EIF2B3: variants seen among roughly 807,000 people sequenced by gnomAD.
The protein encoded by EIF2B3 is eukaryotic translation initiation factor 2B subunit gamma.
In EIF2B3, 20 loss-of-function variants were observed where a neutral mutation model predicts 54.1. That is an observed-to-expected ratio of 0.37 (90% CI 0.26 to 0.54). EIF2B3 has a LOEUF of 0.54. Ranked by LOEUF, EIF2B3 falls within the 20% of genes least tolerant of loss-of-function variation. EIF2B3 has a pLI of 0.86. For missense variants in EIF2B3, 448 were observed against 547.8 expected, an observed-to-expected ratio of 0.82 and a Z score of 1.82; for synonymous variants, 153 against 188.1, an observed-to-expected ratio of 0.81 and a Z score of 1.52.
Position 44,930,343 on chromosome 1 carries a change from C to T in EIF2B3, c.455-3604G>A, listed in dbSNP as rs574656332. Reference sequence around the variant, plus strand: ...TCATTAGCAAGTCAAAATAGTATGTCGAGTAGATTAAAAAGGGTCACAAAC... The same window carrying T: ...TCATTAGCAAGTCAAAATAGTATGTTGAGTAGATTAAAAAGGGTCACAAAC... On this transcript the variant is annotated intron_variant, in intron 4 of 11. Transcript: ENST00000360403. Among the ~76,000 whole-genome samples, 271 of 152,290 alleles carry T rather than the reference C, an allele frequency of 1.8e-3. 1 individual carries two copies. The highest frequency in any genetic ancestry group is 4.4e-4 in the Non-Finnish European group (30 of 68,030).
chr1:44,955,700 C>T (rs951205898), intron 3 of EIF2B3, among the ~76,000 whole-genome samples: 2 of 151,814 alleles, frequency 1.3e-5, no homozygotes, highest in African/African-American at 2.4e-5. Context: ...AGTGGGCAAA[C>T]GATATGAACA....
intron 10 of EIF2B3, among the ~76,000 whole-genome samples, chr1:44,865,216 T>TTAAAAAAAA (rs1452928949): frequency 7.1e-6 from 1 of 140,104 alleles, no homozygotes; most frequent in Non-Finnish European, 1.6e-5. Flanking sequence ...GACTCCATCT[T>TTAAAAAAAA]AAAAAAAAAA....
rs61789956 is a variant in EIF2B3 at position 44,895,513 on chromosome 1, T to C, written c.656+1842A>G. Among the ~76,000 whole-genome samples, 575 of 147,262 alleles carry C rather than the reference T, an allele frequency of 3.9e-3. 1 individual carries two copies. Among genetic ancestry groups the C allele is most frequent in the Admixed American group, 5.5e-3 (81 of 14,826 alleles). On this transcript the variant is annotated intron_variant, in intron 6 of 11. Transcript: ENST00000360403. Reference sequence around the variant, plus strand: ...TTAAGGTATTTATTTAAAAAAAGCCTCTCTCTCTCTCTCTCTATATATATA... The same window carrying C: ...TTAAGGTATTTATTTAAAAAAAGCCCCTCTCTCTCTCTCTCTATATATATA...
intron 3 of EIF2B3, among the ~76,000 whole-genome samples, chr1:44,968,850 T>C (rs1290365663): frequency 2.0e-5 from 3 of 150,734 alleles, no homozygotes; most frequent in African/African-American, 4.9e-5. Flanking sequence ...TGAGTTGAGA[T>C]TGCGCCATGC....
At chr1:44,966,923 G>A (rs1399059013) in intron 3 of EIF2B3, among the ~76,000 whole-genome samples, 1 of 151,918 alleles carries the variant, frequency 6.6e-6, no homozygotes, top group African/African-American at 2.4e-5. Context: ...CCAGGTTCAG[G>A]CAATTCTCCT....
At chr1:44,892,456 TGTA>T (rs1362479171) in intron 6 of EIF2B3, among the ~76,000 whole-genome samples, 1 of 151,930 alleles carries the variant, frequency 6.6e-6, no homozygotes, top group East Asian at 1.9e-4. Context: ...GGTGAGTGCC[TGTA>T]GTCCCAGTTA....
chr1:44,891,108 A>G (rs548871282), intron 6 of EIF2B3, among the ~76,000 whole-genome samples: 1 of 152,030 alleles, frequency 6.6e-6, no homozygotes, highest in African/African-American at 2.4e-5. Context: ...AAATTTTTAA[A>G]TTTTTTTAAA....
chr1:44,958,144 G>C (rs1644247524), intron 3 of EIF2B3, among the ~76,000 whole-genome samples: 2 of 152,250 alleles, frequency 1.3e-5, no homozygotes, highest in African/African-American at 4.8e-5. Flanking sequence ...ACTGAGAAGG[G>C]AAGGCCTGGG....
At chr1:44,972,813 T>C (rs914111343) in intron 3 of EIF2B3, among the ~76,000 whole-genome samples, 8 of 152,078 alleles carry the variant, frequency 5.3e-5, no homozygotes, top group Admixed American at 6.6e-5. Flanking sequence ...ACTACAGGTG[T>C]GTGTCACCAT....
At position 44,857,599 on chromosome 1, in the gene EIF2B3, C is replaced by T. The variant is rs561215871; in HGVS notation, c.1306+105G>A. ...GGCTTTATCAATTTATGTTCTCGCCCGCAGTGTACGTATGTGCTTGTTTCC... is the reference window on the plus strand; with the variant it reads ...GGCTTTATCAATTTATGTTCTCGCCTGCAGTGTACGTATGTGCTTGTTTCC... On this transcript the variant is annotated intron_variant, in intron 11 of 11. Transcript: ENST00000360403. 58 of 1,037,816 alleles carry T rather than the reference C, an allele frequency of 5.6e-5. No homozygotes were observed. The African/African-American group carries it at 6.3e-4, about 11-fold the overall frequency. 64.3% of individuals were successfully genotyped at this position (1,037,816 alleles called of 1,614,324 possible).
At chr1:44,956,915 T>C (rs962445699) in intron 3 of EIF2B3, among the ~76,000 whole-genome samples, 7 of 152,218 alleles carry the variant, frequency 4.6e-5, no homozygotes, top group African/African-American at 1.4e-4. Flanking sequence ...AGAAACTTTC[T>C]AATTGTTATT....
rs912216569 is a variant in EIF2B3, at chr1:44,894,764, G to A, written c.656+2591C>T. 2.6e-5 allele frequency among the ~76,000 whole-genome samples: 4 copies of A among 152,082 alleles called. No individual in the cohort carries two copies. The East Asian group carries it at 7.7e-4, about 29-fold the overall frequency. ...ATCTGATGACCAGATGATTATAAGT[G>A]CCTCCTACTTATCTTGAAGAAATCT... On this transcript the variant is annotated intron_variant, in intron 6 of 11. Coordinates refer to ENST00000360403, the MANE Select transcript of EIF2B3 (RefSeq NM_020365.5).
intron 3 of EIF2B3, among the ~76,000 whole-genome samples, chr1:44,957,858 C>T (rs1644243749): frequency 6.6e-6 from 1 of 152,182 alleles, no homozygotes; most frequent in African/African-American, 2.4e-5. Flanking sequence ...TAAACACTGT[C>T]ATATATTGTT....
intron 3 of EIF2B3, chr1:44,969,902 C>G (rs1227657586): frequency 6.6e-6 from 1 of 152,056 alleles, no homozygotes; most frequent in Non-Finnish European, 1.5e-5. Context: ...AAATATGAAA[C>G]ATTATTATGG....
intron 10 of EIF2B3, among the ~76,000 whole-genome samples, chr1:44,864,375 G>A (rs1573685285): frequency 6.6e-6 from 1 of 151,978 alleles, no homozygotes; most frequent in Non-Finnish European, 1.5e-5. Flanking sequence ...GACCAGCCTG[G>A]CCAACATAGC....
chr1:44,914,388 TTACC>T (rs1244470759), intron 5 of EIF2B3, among the ~76,000 whole-genome samples: 2 of 152,114 alleles, frequency 1.3e-5, no homozygotes, highest in East Asian at 3.9e-4. Context: ...CTCAAATTCC[TTACC>T]TCAGGTGATC....
At chr1:44,967,610 C>G (rs1309618823) in intron 3 of EIF2B3, among the ~76,000 whole-genome samples, 2 of 151,532 alleles carry the variant, frequency 1.3e-5, no homozygotes, top group African/African-American at 4.9e-5. Context: ...TGTGGTGGCA[C>G]ATGCCTGTAG....
chr1:44,910,657 TA>T (rs71040518), intron 5 of EIF2B3, among the ~76,000 whole-genome samples: 6,334 of 73,606 alleles, frequency 0.086, 799 homozygotes, highest in East Asian at 0.18. Context: ...TTTTTTTTTT[TA>T]AAAGAGAGAA....
chr1:44,919,193 C>T (rs1159886296), intron 5 of EIF2B3, among the ~76,000 whole-genome samples: 1 of 151,764 alleles, frequency 6.6e-6, no homozygotes, highest in Admixed American at 6.6e-5. Flanking sequence ...ATTAAAAATA[C>T]AAAAAAATTA....
Sources: gnomAD v4.1 joint callset for allele counts (sites outside exome capture counted in the v4.1 genomes callset) on GRCh38, gnomAD v4.1.1 for gene constraint, MANE v1.5 for transcripts, NCBI Gene and HGNC (gene_info 2026-07-23, HGNC 2026-07-21) for gene names.